Variants in ZNF385D observed in about 807,000 individuals in gnomAD.
ZNF385D encodes zinc finger protein 385D.
In ZNF385D, 15 loss-of-function variants were observed where a neutral mutation model predicts 35.8. That is an observed-to-expected ratio of 0.42 (90% CI 0.28 to 0.64). The LOEUF is 0.64. ZNF385D is among the 30% of genes least tolerant of loss of function. ZNF385D has a pLI of 0.23. For missense variants in ZNF385D, 474 were observed against 494.6 expected (o/e 0.96, Z 0.39); for synonymous variants, 212 against 186.8 (o/e 1.13, Z -1.10).
intron 3 of ZNF385D, among the ~76,000 whole-genome samples, chr3:21,899,043 T>G (rs1453012548): frequency 2.0e-5 from 3 of 152,072 alleles, no homozygotes; most frequent in Non-Finnish European, 2.9e-5. Flanking sequence ...CCTCAGACAA[T>G]AGTTCCCATC....
Position 21,932,454 on chromosome 3 carries a change from GCTAT to G in ZNF385D, c.325+236359_325+236362del, listed in dbSNP as rs1319997839. Among the ~76,000 whole-genome samples the G allele has an allele frequency of 2.6e-5, 4 of 151,760 alleles. No individual in the cohort carries two copies. In the South Asian group the frequency reaches 8.3e-4, roughly 32 times the overall value. On this transcript the variant is annotated intron_variant, in intron 3 of 5. Coordinates refer to the ZNF385D transcript ENST00000494108. ...AAGTGATGCTCAACATTGCCTTCAG[GCTAT>G]CTACCATAGGTACTGTTATCCCTCT... is the stretch of plus-strand genomic sequence containing the variant.
intron 2 of ZNF385D, among the ~76,000 whole-genome samples, chr3:21,592,159 A>G (rs777292438): frequency 5.3e-5 from 8 of 152,158 alleles, no homozygotes; most frequent in South Asian, 2.1e-4. Context: ...TTTTTTCATA[A>G]TTATGATTTA....
intron 2 of ZNF385D, among the ~76,000 whole-genome samples, chr3:22,355,162 T>G (rs1399963588): frequency 6.6e-6 from 1 of 152,078 alleles, no homozygotes; most frequent in Admixed American, 6.6e-5. Flanking sequence ...TTCGTTCCTT[T>G]ATATAGTCTC....
chr3:21,526,171 G>A lies in ZNF385D; in HGVS notation c.277-15148C>T, dbSNP rs1708209573. Among the ~76,000 whole-genome samples the A allele has an allele frequency of 1.3e-5, 2 of 152,112 alleles. 1 individual carries two copies. Among genetic ancestry groups the A allele is most frequent in the South Asian group, 4.1e-4 (2 of 4,834 alleles). Reference sequence around the variant, plus strand: ...ATGATTCAAGCTGCATGGAAACTAAGAGAAATCAAGCATGAAGTTTGTAAA... The same window carrying A: ...ATGATTCAAGCTGCATGGAAACTAAAAGAAATCAAGCATGAAGTTTGTAAA... On this transcript the variant is annotated intron_variant, in intron 3 of 7. Coordinates refer to ENST00000281523, the MANE Select transcript of ZNF385D (RefSeq NM_024697.3).
chr3:22,334,077 C>T (rs985875039), intron 2 of ZNF385D, among the ~76,000 whole-genome samples: 6 of 152,210 alleles, frequency 3.9e-5, no homozygotes, highest in Admixed American at 6.5e-5. Context: ...AAATTTTATG[C>T]GTTCACATAT....
At chr3:22,176,771 T>C (rs1251025442) in intron 2 of ZNF385D, among the ~76,000 whole-genome samples, 2 of 152,264 alleles carry the variant, frequency 1.3e-5, no homozygotes, top group Non-Finnish European at 2.9e-5. Context: ...AATCTTCAAA[T>C]GACTCACCAT....
intron 2 of ZNF385D, among the ~76,000 whole-genome samples, chr3:22,173,668 A>G (rs1462709847): frequency 6.6e-6 from 1 of 152,124 alleles, no homozygotes; most frequent in African/African-American, 2.4e-5. Context: ...GGAAACATTC[A>G]CTGCTTCATG....
At chr3:21,510,814 C>T (rs1050816689) in intron 4 of ZNF385D, 47 bp downstream of exon 4, 1 of 1,607,534 alleles carries the variant, frequency 6.2e-7, no homozygotes, top group East Asian at 2.2e-5. Context: ...GGAGGGAATC[C>T]CCAACGACGA....
At chr3:22,303,402 G>A (rs1340795548) in intron 2 of ZNF385D, among the ~76,000 whole-genome samples, 1 of 152,100 alleles carries the variant, frequency 6.6e-6, no homozygotes, top group Non-Finnish European at 1.5e-5. Context: ...GCCTTTGAAA[G>A]GAAAAGTCCT....
chr3:21,555,331 A>G (rs1444037278), intron 3 of ZNF385D, among the ~76,000 whole-genome samples: 1 of 151,776 alleles, frequency 6.6e-6, no homozygotes, highest in Non-Finnish European at 1.5e-5. Context: ...CCTGTCATCT[A>G]CATTAGGTAT....
intron 2 of ZNF385D, among the ~76,000 whole-genome samples, chr3:22,227,879 C>T (rs1269549363): frequency 6.6e-6 from 1 of 152,154 alleles, no homozygotes; most frequent in Non-Finnish European, 1.5e-5. Flanking sequence ...GGGCATACTG[C>T]CTGTGAGGTA....
Position 22,104,163 on chromosome 3 carries a change from T to G in ZNF385D, c.325+64654A>C, listed in dbSNP as rs1702084804. On this transcript the variant is annotated intron_variant, in intron 3 of 5. Transcript: ENST00000494108. Reference sequence around the variant, plus strand: ...GTCCAGCTCTGAGGGAAAATGCATTTATGCCCCTGCAGTTGCCATTACCTC... The same window carrying G: ...GTCCAGCTCTGAGGGAAAATGCATTGATGCCCCTGCAGTTGCCATTACCTC... 2.0e-5 allele frequency among the ~76,000 whole-genome samples: 3 copies of G among 152,102 alleles called. No homozygotes were observed. In the South Asian group the frequency reaches 6.2e-4, roughly 32 times the overall value.
intron 2 of ZNF385D, among the ~76,000 whole-genome samples, chr3:22,339,067 C>T (rs765459338): frequency 3.9e-5 from 6 of 151,998 alleles, no homozygotes; most frequent in Admixed American, 1.3e-4. Context: ...ATGATAGGCA[C>T]ATTATAAATG....
chr3:21,615,793 A>AGTGTGTGTGT lies in ZNF385D; in HGVS notation c.165+49083_165+49092dup, dbSNP rs144521609. Among the ~76,000 whole-genome samples, 1,428 of 145,334 alleles carry AGTGTGTGTGT rather than the reference A, an allele frequency of 9.8e-3. 20 individuals carry two copies. The highest frequency in any genetic ancestry group is 0.032 in the African/African-American group (1,249 of 38,828). On this transcript the variant is annotated intron_variant, in intron 2 of 7. Coordinates refer to ENST00000281523, the MANE Select transcript of ZNF385D (RefSeq NM_024697.3). ...ATGACTGCAAAGAAAATGGAGAAAG[A>AGTGTGTGTGT]GTGTGTGTGTGTGTGTGTGTGTGTT...
At chr3:21,780,263 A>G (rs62237780) in intron 3 of ZNF385D, among the ~76,000 whole-genome samples, 7,265 of 152,086 alleles carry the variant, frequency 0.048, 215 homozygotes, top group Non-Finnish European at 0.067. Context: ...CGAGTTTCAC[A>G]CATTTCAAAA....
rs190924958 is a variant in ZNF385D at position 22,279,481 on chromosome 3, A to G, written c.106+92969T>C. The stretch of plus-strand genomic sequence containing the variant: ...GAATAGTATTCCACAGTATATATAT[A>G]TATATGGAATATACATATGTACATA... On this transcript the variant is annotated intron_variant, in intron 2 of 5. Coordinates refer to the ZNF385D transcript ENST00000494108. Among the ~76,000 whole-genome samples, 476 of 128,956 alleles carry G rather than the reference A, an allele frequency of 3.7e-3. 5 individuals are homozygous for G. Among genetic ancestry groups the G allele is most frequent in the Non-Finnish European group, 5.1e-3 (304 of 59,230 alleles). 84.6% of individuals were successfully genotyped at this position (128,956 alleles called of 152,430 possible). A position where few individuals can be genotyped will look rare whatever the true frequency, so the allele number is the denominator to read the frequency against.
intron 3 of ZNF385D, among the ~76,000 whole-genome samples, chr3:21,852,388 G>A (rs1228575788): frequency 1.3e-5 from 2 of 151,812 alleles, no homozygotes; most frequent in African/African-American, 4.8e-5. Flanking sequence ...CTAGGTCTTA[G>A]TCATAAAAGA....
intron 2 of ZNF385D, among the ~76,000 whole-genome samples, chr3:22,258,661 G>A (rs1469059136): frequency 1.3e-5 from 2 of 151,532 alleles, no homozygotes; most frequent in East Asian, 3.9e-4. Context: ...AGTAAAAATA[G>A]CCCAAGAGAT....
At chr3:21,500,393 T>A (rs1294553406) in intron 4 of ZNF385D, among the ~76,000 whole-genome samples, 2 of 152,142 alleles carry the variant, frequency 1.3e-5, no homozygotes, top group African/African-American at 4.8e-5. Context: ...GTATCCTTCA[T>A]CAAGAAGCTG....
Sources: gnomAD v4.1 joint callset for allele counts (sites outside exome capture counted in the v4.1 genomes callset) on GRCh38, gnomAD v4.1.1 for gene constraint, MANE v1.5 for transcripts, NCBI Gene and HGNC (gene_info 2026-07-23, HGNC 2026-07-21) for gene names.